Variants in FBXO45 observed in about 807,000 individuals in gnomAD.
The protein encoded by FBXO45 is F-box/SPRY domain-containing protein 1.
A neutral mutation model predicts 25.5 loss-of-function variants in FBXO45; 3 were observed. The ratio of observed to expected loss-of-function variants is 0.12; its 90% CI spans 0.05 to 0.30. The LOEUF is 0.30. Among genes scored for constraint, FBXO45 ranks in the 10% least tolerant of loss-of-function variants. The pLI is 1.00. For synonymous variants in FBXO45, 155 were observed against 149.8 expected (o/e 1.03, Z -0.25); for missense variants, 219 against 365.0 (o/e 0.60, Z 3.26).
At chr3:196,572,391 ATT>A (rs1010526397) in intron 1 of FBXO45, among the ~76,000 whole-genome samples, 8 of 152,186 alleles carry the variant, frequency 5.3e-5, no homozygotes, top group African/African-American at 1.9e-4. Context: ...TAGTGCTCTG[ATT>A]GTCAGTAGTG....
chr3:196,575,142 A>G (rs1735890500), intron 1 of FBXO45, among the ~76,000 whole-genome samples: 1 of 152,230 alleles, frequency 6.6e-6, no homozygotes, highest in Admixed American at 6.5e-5. Context: ...TCAGGGAAAT[A>G]GGAAGATGTC....
In FBXO45 at chr3:196,577,758, T is replaced by C. The variant is rs754119898; in HGVS notation, c.624T>C (p.Asn208=). The change falls in exon 2 of 3, where the codon AAT becomes AAC. Residue 208 remains asparagine, a synonymous_variant. Coordinates refer to ENST00000311630, the MANE Select transcript of FBXO45 (RefSeq NM_001105573.2). ...WNLVDNNLLH[N]GEVNGSFPQC... is the part of the protein sequence containing the mutation. ...TGGTGGACAATAATCTACTACATAATGGAGAAGTCAATGGCAGTTTTCCAC... is the reference window on the plus strand; with the variant it reads ...TGGTGGACAATAATCTACTACATAACGGAGAAGTCAATGGCAGTTTTCCAC... 4 of 1,613,100 alleles carry C rather than the reference T, an allele frequency of 2.5e-6. No individual in the cohort carries two copies. In the South Asian group the frequency reaches 3.3e-5, roughly 13 times the overall value.
intron 1 of FBXO45, among the ~76,000 whole-genome samples, chr3:196,574,846 A>G (rs1364788531): frequency 1.3e-5 from 2 of 152,218 alleles, no homozygotes; most frequent in Non-Finnish European, 2.9e-5. Flanking sequence ...AAGAAAGCAC[A>G]TATAATACTT....
intron 1 of FBXO45, among the ~76,000 whole-genome samples, chr3:196,570,098 ACT>A (rs1310283617): frequency 1.3e-5 from 2 of 152,134 alleles, no homozygotes; most frequent in African/African-American, 4.8e-5. Context: ...GGCTGAAAGG[ACT>A]CTCAGGCCGA....
intron 2 of FBXO45, among the ~76,000 whole-genome samples, chr3:196,579,856 G>A (rs541699202): frequency 6.6e-6 from 1 of 152,086 alleles, no homozygotes; most frequent in Admixed American, 6.6e-5. Context: ...TTATCTCCCT[G>A]CCTGATTTAT....
Position 196,588,234 on chromosome 3 carries a change from T to C in FBXO45, c.*3916T>C, listed in dbSNP as rs1577602429. On this transcript the variant is annotated 3_prime_UTR_variant, in exon 3 of 3. Transcript: ENST00000311630. The surrounding 1 kb of genome is among the most constrained non-coding windows in gnomAD (Gnocchi z 4.2). ...CATGAGCCACTGTTCCCGGGCCTAATCTTTGTATTTTTAGTAGAGGGGGTT... is the reference window on the plus strand; with the variant it reads ...CATGAGCCACTGTTCCCGGGCCTAACCTTTGTATTTTTAGTAGAGGGGGTT... The C allele has an allele frequency of 6.6e-6, 1 of 152,026 alleles. No individual in the cohort carries two copies. Among genetic ancestry groups the C allele is most frequent in the African/African-American group, 2.4e-5 (1 of 41,342 alleles). 9.4% of individuals were successfully genotyped at this position (152,026 alleles called of 1,614,324 possible). A position where few individuals can be genotyped will look rare whatever the true frequency, so the allele number is the denominator to read the frequency against.
Position 196,584,074 on chromosome 3 carries a change from G to A in FBXO45, c.676-59G>A. On this transcript the variant is annotated intron_variant, in intron 2 of 2. Transcript: ENST00000311630. This position sits in a 1 kb window ranked among gnomAD's most constrained non-coding sequence, Gnocchi z 4.3. The stretch of plus-strand genomic sequence containing the variant: ...TTTTCAACTTCTTGATTTGTGTCTT[G>A]TTTCTTCTAGCTACACCCTTGGCAG... The A allele has an allele frequency of 6.7e-7, 1 of 1,497,062 alleles. No individual in the cohort carries two copies. Among genetic ancestry groups the A allele is most frequent in the Non-Finnish European group, 9.1e-7 (1 of 1,098,100 alleles). 92.7% of individuals were successfully genotyped at this position (1,497,062 alleles called of 1,614,324 possible).
In FBXO45 at chr3:196,576,448, TGA is replaced by T. The variant is rs774743923; in HGVS notation, c.319-1002_319-1001del. Among the ~76,000 whole-genome samples, 7 of 152,228 alleles carry T rather than the reference TGA, an allele frequency of 4.6e-5. No individual in the cohort carries two copies. In the South Asian group the frequency reaches 1.0e-3, roughly 23 times the overall value. ...CTGTAACCCCAGCTACTCGGAAGAC[TGA>T]GATGGGAGTATCACTTGAGCCAAGG... On this transcript the variant is annotated intron_variant, in intron 1 of 2. Transcript: ENST00000311630.
chr3:196,574,346 T>C (rs1279056298), intron 1 of FBXO45, among the ~76,000 whole-genome samples: 1 of 152,210 alleles, frequency 6.6e-6, no homozygotes, highest in South Asian at 2.1e-4. Flanking sequence ...AATTCCTTAA[T>C]ATCAAAAATG....
At chr3:196,572,804 G>A (rs562906306) in intron 1 of FBXO45, among the ~76,000 whole-genome samples, 2 of 152,302 alleles carry the variant, frequency 1.3e-5, no homozygotes, top group African/African-American at 4.8e-5. Flanking sequence ...AGATAGAAAT[G>A]GGCAGATTTA....
chr3:196,587,515 A>G lies in FBXO45; in HGVS notation c.*3197A>G, dbSNP rs982717286. 4 of 152,228 alleles carry G rather than the reference A, an allele frequency of 2.6e-5. No individual in the cohort carries two copies. Among genetic ancestry groups the G allele is most frequent in the African/African-American group, 4.8e-5 (2 of 41,448 alleles). The allele number at this position is 152,228 out of a possible 1,614,324, so 9.4% of individuals were successfully genotyped here. The stretch of plus-strand genomic sequence containing the variant: ...CTGGAGAAAGAGTTTCAAAAATAGC[A>G]GAGCCCTAAACCATAAAGAAACTAC... On this transcript the variant is annotated 3_prime_UTR_variant, in exon 3 of 3. Coordinates refer to ENST00000311630, the MANE Select transcript of FBXO45 (RefSeq NM_001105573.2).
intron 1 of FBXO45, among the ~76,000 whole-genome samples, chr3:196,571,386 C>G (rs1212127417): frequency 6.6e-6 from 1 of 152,112 alleles, no homozygotes; most frequent in Non-Finnish European, 1.5e-5. Context: ...TGCCACCACA[C>G]TGGCTAATTT....
At chr3:196,576,173 G>A (rs76502510) in intron 1 of FBXO45, among the ~76,000 whole-genome samples, 22,294 of 152,166 alleles carry the variant, frequency 0.15, 1,958 homozygotes, top group Middle Eastern at 0.21. Flanking sequence ...TAAACGAACA[G>A]GTGGTGAGGG....
chr3:196,575,980 T>A (rs1735907497), intron 1 of FBXO45, among the ~76,000 whole-genome samples: 1 of 152,202 alleles, frequency 6.6e-6, no homozygotes, highest in Non-Finnish European at 1.5e-5. Context: ...CCCGGCCCCT[T>A]CATTGAATCT....
Position 196,569,047 on chromosome 3 carries a change from CGCG to C in FBXO45, c.65_67del (p.Ala22del), listed in dbSNP as rs1735716014. ...GCGGCGCTGGCTGTAGCGGCGGCGG[CGCG>C]GGCGCGGGCGCGGGCTCGGGCTCTG... On this transcript the variant is annotated inframe_deletion, in exon 1 of 3. Transcript: ENST00000311630. This position sits in a 1 kb window ranked among gnomAD's most constrained non-coding sequence, Gnocchi z 4.1. 1 of 1,098,292 alleles carries C rather than the reference CGCG, an allele frequency of 9.1e-7. No individual in the cohort carries two copies. 68.0% of individuals were successfully genotyped at this position (1,098,292 alleles called of 1,614,324 possible).
intron 2 of FBXO45, among the ~76,000 whole-genome samples, chr3:196,580,177 T>TA (rs1175038017): frequency 2.0e-5 from 3 of 150,630 alleles, no homozygotes; most frequent in African/African-American, 4.9e-5. Context: ...TAATTTTATA[T>TA]TTTTTTAGTA....
intron 1 of FBXO45, among the ~76,000 whole-genome samples, chr3:196,574,229 G>A (rs1169009533): frequency 1.3e-5 from 2 of 151,846 alleles, no homozygotes; most frequent in Admixed American, 6.6e-5. Flanking sequence ...CACCATGCCC[G>A]GCCTATTTTC....
intron 1 of FBXO45, among the ~76,000 whole-genome samples, chr3:196,571,697 G>T (rs1467659614): frequency 2.6e-5 from 4 of 152,138 alleles, no homozygotes; most frequent in Non-Finnish European, 5.9e-5. Flanking sequence ...TCAGCTACCC[G>T]GTTCCTCTCC....
At position 196,569,146 on chromosome 3, in the gene FBXO45, C is replaced by T; in HGVS notation, c.162C>T (p.Ser54=). The stretch of plus-strand genomic sequence containing the variant: ...TGGTGTTCTCTTACCTGGAGCTGTC[C>T]GAGCTGCGGAGCTGCGCCCTGGTGT... ...LELVFSYLEL[S]ELRSCALVCK... is the part of the protein sequence containing the mutation. The change falls in exon 1 of 3, where the codon TCC becomes TCT. Residue 54 remains serine (S), a synonymous_variant. Coordinates refer to ENST00000311630, the MANE Select transcript of FBXO45 (RefSeq NM_001105573.2). This position sits in a 1 kb window ranked among gnomAD's most constrained non-coding sequence, Gnocchi z 4.1. 1 of 1,550,482 alleles carries T rather than the reference C, an allele frequency of 6.4e-7. No individual in the cohort carries two copies. The highest frequency in any genetic ancestry group is 1.4e-5 in the African/African-American group (1 of 73,132).
Sources: gnomAD v4.1 joint callset for allele counts (sites outside exome capture counted in the v4.1 genomes callset) on GRCh38, gnomAD v4.1.1 for gene constraint, Gnocchi (gnomAD v3.1) non-coding constraint, MANE v1.5 for transcripts, NCBI Gene and HGNC (gene_info 2026-07-23, HGNC 2026-07-21) for gene names.